The following TSEN2 variants were observed in gnomAD, a reference collection of about 807,000 sequenced individuals.
The protein encoded by TSEN2 is tRNA splicing endonuclease subunit 2, also known as tRNA-splicing endonuclease subunit Sen2.
TSEN2 carries 54 observed loss-of-function variants against 59.2 expected under a neutral mutation model. The observed-to-expected ratio is 0.91, with a 90% CI of 0.73 to 1.14. The LOEUF is 1.14. Among genes scored for constraint, TSEN2 ranks in the 50% most tolerant of loss-of-function variants. TSEN2 has a pLI of 0.00. For missense variants in TSEN2, 636 were observed against 576.2 expected (o/e 1.10, Z -1.06); for synonymous variants, 195 against 198.2 (o/e 0.98, Z 0.14).
At chr3:12,510,329 G>A (rs904358100) in intron 6 of TSEN2, among the ~76,000 whole-genome samples, 2 of 152,200 alleles carry the variant, frequency 1.3e-5, no homozygotes, top group African/African-American at 2.4e-5. Context: ...ATATCATTCA[G>A]CTGTGGCTCT....
chr3:12,530,217 C>A (rs1294945563), intron 10 of TSEN2: 4 of 1,080,074 alleles, frequency 3.7e-6, no homozygotes, highest in Non-Finnish European at 4.5e-6. Flanking sequence ...TTAACATTCA[C>A]TCATACACAT....
chr3:12,499,359 G>A (rs116754833), intron 4 of TSEN2, among the ~76,000 whole-genome samples: 3,646 of 152,288 alleles, frequency 0.024, 63 homozygotes, highest in South Asian at 0.059. Flanking sequence ...ACCCAAGAGC[G>A]AGGAAAAGAC....
At chr3:12,495,630 G>A (rs922058569) in intron 3 of TSEN2, among the ~76,000 whole-genome samples, 1 of 152,194 alleles carries the variant, frequency 6.6e-6, no homozygotes, top group Non-Finnish European at 1.5e-5. Context: ...AAACCATCCC[G>A]AAAGGTATTG....
chr3:12,509,802 G>A (rs1349699949), intron 6 of TSEN2, among the ~76,000 whole-genome samples: 1 of 152,124 alleles, frequency 6.6e-6, no homozygotes, highest in African/African-American at 2.4e-5. Context: ...CAAGAGCCTG[G>A]GGAATAAACT....
At chr3:12,480,696 T>C (rs761171050), upstream of TSEN2, among the ~76,000 whole-genome samples, 1 of 151,920 alleles carries the variant, frequency 6.6e-6, no homozygotes, top group Non-Finnish European at 1.5e-5. Context: ...GCCCAGCTAA[T>C]TTTTATATAT....
intron 1 of TSEN2, among the ~76,000 whole-genome samples, chr3:12,487,956 G>A (rs759588180): frequency 9.3e-5 from 14 of 150,468 alleles, no homozygotes; most frequent in African/African-American, 1.5e-4. Flanking sequence ...GCAATTCTAG[G>A]AAGGTTCCAA....
chr3:12,505,499 G>T (rs1200451688), intron 6 of TSEN2: 73 of 395,724 alleles, frequency 1.8e-4, no homozygotes, highest in Non-Finnish European at 9.4e-6. Flanking sequence ...TAAGATTTTA[G>T]ATTGTTAGGC....
At chr3:12,503,954 G>C (rs906267557) in intron 5 of TSEN2, among the ~76,000 whole-genome samples, 170 bp downstream of exon 5, 7 of 152,186 alleles carry the variant, frequency 4.6e-5, no homozygotes, top group Non-Finnish European at 1.0e-4. Context: ...TAAAACCCCA[G>C]AGTTGGTGAA....
intron 10 of TSEN2, chr3:12,530,150 G>T: frequency 7.7e-7 from 1 of 1,296,716 alleles, no homozygotes. Flanking sequence ...GATCTGGGTA[G>T]GCATTGCTTC....
rs945581811 is a variant in TSEN2 at position 12,533,557 on chromosome 3, G to A, written c.*836G>A. 2 of 151,022 alleles carry A rather than the reference G, an allele frequency of 1.3e-5. No individual in the cohort carries two copies. The highest frequency in any genetic ancestry group is 6.7e-5 in the Admixed American group (1 of 14,992). 9.4% of individuals were successfully genotyped at this position (151,022 alleles called of 1,614,324 possible). A position where few individuals can be genotyped will look rare whatever the true frequency, so the allele number is the denominator to read the frequency against. The stretch of plus-strand genomic sequence containing the variant: ...TGCCTGTAATTCCAGCTGCTCAGGA[G>A]ACTAAGGTAGGAGGATCGCTTGAGC... On this transcript the variant is annotated 3_prime_UTR_variant, in exon 12 of 12. Transcript: ENST00000284995.
In TSEN2 at chr3:12,492,222, AGTT is replaced by A. The variant is rs750513891; in HGVS notation, c.271+11_271+13del. The A allele has an allele frequency of 8.2e-4, 1,327 of 1,610,796 alleles. 18 individuals are homozygous for A. Among genetic ancestry groups the A allele is most frequent in the Non-Finnish European group, 4.5e-5 (53 of 1,177,032 alleles). On this transcript the variant is annotated splice_donor_region_variant and intron_variant, in intron 3 of 11. Coordinates refer to ENST00000284995, the MANE Select transcript of TSEN2 (RefSeq NM_025265.4). ...AACTGGTTGCTAAATGGAAAGGTAA[AGTT>A]GTTGTATCATTCAGTTCTTTTGACA...
At chr3:12,520,902 C>T (rs968158916) in intron 8 of TSEN2, among the ~76,000 whole-genome samples, 3 of 152,084 alleles carry the variant, frequency 2.0e-5, no homozygotes, top group Non-Finnish European at 2.9e-5. Context: ...AGGCCTAGTA[C>T]CCAGTAGTTA....
chr3:12,530,447 T>C (rs947084788), intron 10 of TSEN2: 5 of 985,728 alleles, frequency 5.1e-6, no homozygotes, highest in Non-Finnish European at 6.0e-6. Context: ...TTTGTTTCAC[T>C]ATATCCTTCG....
chr3:12,537,128 A>C (rs1423492008), downstream of TSEN2, among the ~76,000 whole-genome samples: 1 of 152,004 alleles, frequency 6.6e-6, no homozygotes, highest in African/African-American at 2.4e-5. Flanking sequence ...GACCATCTAA[A>C]GCTTTCCTTG....
intron 6 of TSEN2, among the ~76,000 whole-genome samples, chr3:12,512,050 C>A (rs563468899): frequency 1.3e-5 from 2 of 152,312 alleles, no homozygotes; most frequent in African/African-American, 4.8e-5. Context: ...TGGCATTCCT[C>A]AGTTTCCTCA....
chr3:12,531,907 G>C (rs575138229), intron 11 of TSEN2, among the ~76,000 whole-genome samples: 1 of 152,114 alleles, frequency 6.6e-6, no homozygotes, highest in Non-Finnish European at 1.5e-5. Context: ...AGCTGAAACT[G>C]CTCTCTTACA....
chr3:12,512,985 C>T (rs1400094538), intron 6 of TSEN2, among the ~76,000 whole-genome samples: 3 of 152,220 alleles, frequency 2.0e-5, no homozygotes, highest in Admixed American at 6.5e-5. Flanking sequence ...GTAAAACTTA[C>T]TAATGAGATT....
chr3:12,489,719 C>T (rs1270415170), intron 1 of TSEN2, 65 bp from the exon 2 acceptor site: 3 of 1,385,160 alleles, frequency 2.2e-6, no homozygotes, highest in Non-Finnish European at 2.0e-6. Flanking sequence ...CAGATGTACT[C>T]ACATTTTGGA....
At chr3:12,529,406 C>T (rs946135417) in intron 9 of TSEN2, among the ~76,000 whole-genome samples, 5 of 142,284 alleles carry the variant, frequency 3.5e-5, no homozygotes, top group South Asian at 2.1e-4. Context: ...GCGGAGGTTG[C>T]GGTGAGCCAA....
Sources: allele counts gnomAD v4.1 joint callset (sites outside exome capture counted in the v4.1 genomes callset), GRCh38; gene constraint gnomAD v4.1.1; transcripts MANE v1.5; gene names NCBI Gene and HGNC (gene_info 2026-07-23, HGNC 2026-07-21).